The following MECOM variants were observed in gnomAD, a reference collection of about 807,000 sequenced individuals.
MECOM encodes the protein histone-lysine N-methyltransferase MECOM.
MECOM carries 13 observed loss-of-function variants against 116.3 expected under a neutral mutation model. That is an observed-to-expected ratio of 0.11 (90% CI 0.07 to 0.18). The LOEUF is 0.18. Ranked by LOEUF, MECOM falls within the 10% of genes least tolerant of loss-of-function variation. The probability of loss-of-function intolerance (pLI) is 1.00; values close to 1 mark genes in which losing one functional copy is unlikely to be tolerated. For missense variants in MECOM, 1,299 were observed against 1,509.0 expected, an observed-to-expected ratio of 0.86 and a Z score of 2.31; for synonymous variants, 528 against 535.2, an observed-to-expected ratio of 0.99 and a Z score of 0.19.
intron 2 of MECOM, among the ~76,000 whole-genome samples, chr3:169,299,848 C>A (rs1716369428): frequency 6.6e-6 from 1 of 151,994 alleles, no homozygotes; most frequent in Admixed American, 6.6e-5. Context: ...TAAAAATAAA[C>A]AAATTGCATA....
At chr3:169,640,949 C>T (rs1164989418) in intron 1 of MECOM, among the ~76,000 whole-genome samples, 2 of 152,206 alleles carry the variant, frequency 1.3e-5, no homozygotes, top group African/African-American at 2.4e-5. Flanking sequence ...AGGGTCAATG[C>T]ATTCTCCCAC....
At chr3:169,210,778 A>AAAATAATTT (rs1750619110) in intron 2 of MECOM, among the ~76,000 whole-genome samples, 1 of 151,826 alleles carries the variant, frequency 6.6e-6, no homozygotes, top group Non-Finnish European at 1.5e-5. Flanking sequence ...CCCCTTTTCC[A>AAAATAATTT]CCCAACCCTA....
chr3:169,620,225 G>A (rs562390647), intron 1 of MECOM, among the ~76,000 whole-genome samples: 1 of 152,226 alleles, frequency 6.6e-6, no homozygotes, highest in African/African-American at 2.4e-5. Context: ...TTTTCAACAG[G>A]TTTATTTCCA....
intron 2 of MECOM, among the ~76,000 whole-genome samples, chr3:169,306,612 C>T (rs965243366): frequency 2.0e-5 from 3 of 152,318 alleles, no homozygotes; most frequent in South Asian, 4.1e-4. Context: ...ACCTGAGAGA[C>T]AGAGGTTGCA....
chr3:169,246,527 CT>C (rs11454849), intron 2 of MECOM, among the ~76,000 whole-genome samples: 3,148 of 131,284 alleles, frequency 0.024, 33 homozygotes, highest in Middle Eastern at 0.031. Context: ...TACACATACA[CT>C]TTTTTTTTTT....
chr3:169,592,617 G>A (rs1275689799), intron 1 of MECOM, among the ~76,000 whole-genome samples: 1 of 152,132 alleles, frequency 6.6e-6, no homozygotes, highest in African/African-American at 2.4e-5. Context: ...TCTCTGCCCT[G>A]AAATTCTAGA....
Position 169,593,493 on chromosome 3 carries a change from A to T in MECOM, c.37+69843T>A, listed in dbSNP as rs9876853. Among the ~76,000 whole-genome samples, 875 of 152,268 alleles carry T rather than the reference A, an allele frequency of 5.7e-3. 9 individuals carry two copies. The highest frequency in any genetic ancestry group is 0.02 in the African/African-American group (815 of 41,562). ...AGATTGTCTATATATGTAGCTCACT[A>T]TGGCCCATGACATATTAGCATGTGA... is the stretch of plus-strand genomic sequence containing the variant. On this transcript the variant is annotated intron_variant, in intron 1 of 16. Transcript: ENST00000651503.
chr3:169,659,423 C>A (rs1383271951), intron 1 of MECOM, among the ~76,000 whole-genome samples: 1 of 143,662 alleles, frequency 7.0e-6, no homozygotes, highest in Non-Finnish European at 1.5e-5. Context: ...GCGTAATTAA[C>A]CTTCCCCTAA....
intron 2 of MECOM, among the ~76,000 whole-genome samples, chr3:169,220,628 C>G (rs1180244367): frequency 6.6e-6 from 1 of 152,094 alleles, no homozygotes; most frequent in African/African-American, 2.4e-5. Context: ...GTGCCCACCA[C>G]CACGCCCAGC....
At chr3:169,321,093 C>T (rs570702186) in intron 2 of MECOM, among the ~76,000 whole-genome samples, 72 of 152,208 alleles carry the variant, frequency 4.7e-4, no homozygotes, top group African/African-American at 1.7e-3. Context: ...AGGAAGGCCA[C>T]CACTCTAATA....
intron 1 of MECOM, among the ~76,000 whole-genome samples, chr3:169,591,060 T>G (rs975022551): frequency 2.6e-5 from 4 of 152,104 alleles, no homozygotes; most frequent in African/African-American, 9.7e-5. Context: ...TGCTAGCAAG[T>G]CATCAGAAAC....
At chr3:169,506,362 G>A (rs1467209175) in intron 1 of MECOM, among the ~76,000 whole-genome samples, 2 of 152,200 alleles carry the variant, frequency 1.3e-5, no homozygotes, top group Non-Finnish European at 2.9e-5. Context: ...GTGCCGTGGG[G>A]ACTAATCACG....
chr3:169,310,196 A>G (rs1483455777), intron 2 of MECOM, among the ~76,000 whole-genome samples: 3 of 152,208 alleles, frequency 2.0e-5, no homozygotes, highest in African/African-American at 7.2e-5. Flanking sequence ...GAAAAAATCC[A>G]TAATTCTTTT....
rs1255538032 is a variant in MECOM, at chr3:169,107,923, T to C, written c.2604+3A>G. 1.9e-6 allele frequency: 3 copies of C among 1,611,952 alleles called. No homozygotes were observed. Among genetic ancestry groups the C allele is most frequent in the Non-Finnish European group, 1.7e-6 (2 of 1,179,006 alleles). The stretch of plus-strand genomic sequence containing the variant: ...TAGTCAAAAATATAAGTAGGAAACT[T>C]ACCCAAGTTCTCTGATCAGGCAGTT... On this transcript the variant is annotated splice_donor_region_variant and intron_variant, in intron 10 of 16. Coordinates refer to ENST00000651503, the MANE Select transcript of MECOM (RefSeq NM_004991.4).
intron 1 of MECOM, among the ~76,000 whole-genome samples, chr3:169,443,270 C>T (rs945593318): frequency 6.6e-6 from 1 of 152,174 alleles, no homozygotes; most frequent in Non-Finnish European, 1.5e-5. Context: ...TCCATTCATG[C>T]CCCTCACATT....
At chr3:169,623,803 A>G (rs1193856706) in intron 1 of MECOM, 9 of 151,374 alleles carry the variant, frequency 5.9e-5, no homozygotes, top group Non-Finnish European at 1.0e-4. Flanking sequence ...AAACACACAC[A>G]CACACATACA....
rs16854281 is a variant in MECOM at position 169,643,076 on chromosome 3, T to C, written c.37+20260A>G. Reference sequence around the variant, plus strand: ...ATCTACAAATGGTTACTGCAACTGGTCAATTAAATTTAGCCTTTCTTCTAG... The same window carrying C: ...ATCTACAAATGGTTACTGCAACTGGCCAATTAAATTTAGCCTTTCTTCTAG... On this transcript the variant is annotated intron_variant, in intron 1 of 16. Coordinates refer to ENST00000651503, the MANE Select transcript of MECOM (RefSeq NM_004991.4). 8.9e-3 allele frequency among the ~76,000 whole-genome samples: 1,354 copies of C among 152,310 alleles called. 42 individuals are homozygous for C. The East Asian group carries it at 0.089, about 10-fold the overall frequency.
At chr3:169,218,392 C>G (rs1436960175) in intron 2 of MECOM, among the ~76,000 whole-genome samples, 1 of 152,080 alleles carries the variant, frequency 6.6e-6, no homozygotes, top group African/African-American at 2.4e-5. Flanking sequence ...CTTGACTTGT[C>G]AATGTAATGG....
At chr3:169,167,849 A>G (rs1743828409) in intron 2 of MECOM, among the ~76,000 whole-genome samples, 1 of 152,100 alleles carries the variant, frequency 6.6e-6, no homozygotes, top group African/African-American at 2.4e-5. Context: ...ACAAATCTAC[A>G]TCTATACTCT....
Sources: gnomAD v4.1 joint callset for allele counts (sites outside exome capture counted in the v4.1 genomes callset) on GRCh38, gnomAD v4.1.1 for gene constraint, MANE v1.5 for transcripts, NCBI Gene and HGNC (gene_info 2026-07-23, HGNC 2026-07-21) for gene names.